MCHR2: variants seen among roughly 807,000 people sequenced by gnomAD.
MCHR2 encodes melanin concentrating hormone receptor 2.
A neutral mutation model predicts 24.8 loss-of-function variants in MCHR2; 15 were observed. That is an observed-to-expected ratio of 0.60 (90% confidence interval 0.40 to 0.93). The LOEUF (loss-of-function observed/expected upper bound fraction) is 0.93. MCHR2 is among the 40% of genes least tolerant of loss of function. MCHR2 has a pLI of 0.00. For missense variants in MCHR2, 386 were observed against 408.7 expected, an observed-to-expected ratio of 0.94 and a Z score of 0.48; for synonymous variants, 151 against 147.6, an observed-to-expected ratio of 1.02 and a Z score of -0.17.
chr6:99,976,648 TC>T (rs1241499143), intron 1 of MCHR2, among the ~76,000 whole-genome samples: 1 of 60,858 alleles, frequency 1.6e-5, no homozygotes, highest in Non-Finnish European at 4.0e-5. Flanking sequence ...TTTACAGTGC[TC>T]CCCAGCTACC....
rs145415769 is a variant in MCHR2, at chr6:99,958,740, C to T, written c.-27-2566G>A. Among the ~76,000 whole-genome samples, 417 of 152,284 alleles carry T rather than the reference C, an allele frequency of 2.7e-3. 2 individuals are homozygous for T. Among genetic ancestry groups the T allele is most frequent in the African/African-American group, 9.6e-3 (400 of 41,566 alleles). ...TCAAAGCCAATAGAAGAACCTGTGG[C>T]ACCCTCTTGCCATAGTCTCTCTGGC... On this transcript the variant is annotated intron_variant, in intron 1 of 5. Transcript: ENST00000281806.
At chr6:99,988,370 C>T (rs1775805751) in intron 1 of MCHR2, among the ~76,000 whole-genome samples, 1 of 152,184 alleles carries the variant, frequency 6.6e-6, no homozygotes, top group Admixed American at 6.5e-5. Context: ...TAGTCCTCAT[C>T]CTCATGTAAG....
intron 2 of MCHR2, among the ~76,000 whole-genome samples, chr6:99,951,157 A>C (rs923277452): frequency 6.6e-6 from 1 of 152,092 alleles, no homozygotes; most frequent in African/African-American, 2.4e-5. Flanking sequence ...GGGGTGAGGG[A>C]TGGGATAGGG....
chr6:99,934,861 A>G (rs1385773000), intron 4 of MCHR2, among the ~76,000 whole-genome samples: 4 of 152,050 alleles, frequency 2.6e-5, no homozygotes, highest in Admixed American at 2.0e-4. Context: ...AGCATTTTGT[A>G]TATCTTTACT....
chr6:99,982,097 G>A (rs1196219272), intron 1 of MCHR2, among the ~76,000 whole-genome samples: 1 of 152,052 alleles, frequency 6.6e-6, no homozygotes, highest in Non-Finnish European at 1.5e-5. Context: ...ACCTGTCTCT[G>A]TTCTATTCAG....
intron 1 of MCHR2, among the ~76,000 whole-genome samples, chr6:99,961,081 TCTGCCA>T (rs1232457881): frequency 6.6e-6 from 1 of 151,894 alleles, no homozygotes; most frequent in Non-Finnish European, 1.5e-5. Context: ...AATCTACCCA[TCTGCCA>T]AAAGGCTAAT....
Position 99,934,457 on chromosome 6 carries a change from G to A in MCHR2, c.648C>T (p.Cys216=). Residue 216 remains cysteine (C), a synonymous_variant, in exon 5 of 6, where the codon TGC becomes TGT. Coordinates refer to ENST00000281806, the MANE Select transcript of MCHR2 (RefSeq NM_001040179.2). ...FFFPLPLILV[C]YILILCYTWE... ...AAGTATAGCATAAAATTAAAATATA[G>A]CACACCAAAATCAAGGGTAGAGGGA... 6.2e-7 allele frequency: 1 copy of A among 1,604,134 alleles called. No individual in the cohort carries two copies. Among genetic ancestry groups the A allele is most frequent in the South Asian group, 1.1e-5 (1 of 89,428 alleles).
chr6:99,940,863 C>T (rs936680269), intron 4 of MCHR2, among the ~76,000 whole-genome samples: 3 of 151,924 alleles, frequency 2.0e-5, no homozygotes, highest in Non-Finnish European at 4.4e-5. Context: ...GTGTGGGAAG[C>T]CTGGCTAGGG....
chr6:99,970,218 C>T (rs1322540266), intron 1 of MCHR2, among the ~76,000 whole-genome samples: 4 of 151,680 alleles, frequency 2.6e-5, no homozygotes, highest in African/African-American at 7.3e-5. Context: ...CTCTCCAGCA[C>T]CTGTTGTTTC....
intron 1 of MCHR2, among the ~76,000 whole-genome samples, chr6:99,967,921 C>G (rs1250625360): frequency 6.6e-6 from 1 of 152,166 alleles, no homozygotes; most frequent in African/African-American, 2.4e-5. Context: ...TCACTTAACA[C>G]ACATTATAGT....
intron 4 of MCHR2, among the ~76,000 whole-genome samples, chr6:99,937,559 C>T (rs958886956): frequency 2.0e-5 from 3 of 151,764 alleles, no homozygotes. Context: ...ATGAGTTCTA[C>T]TTGCTCATGA....
intron 2 of MCHR2, among the ~76,000 whole-genome samples, chr6:99,948,577 C>T (rs1371918993): frequency 6.6e-6 from 1 of 152,138 alleles, no homozygotes; most frequent in Non-Finnish European, 1.5e-5. Flanking sequence ...GAGCCAGAAC[C>T]AACCAGCTAA....
chr6:99,934,465 A>T lies in MCHR2; in HGVS notation c.640T>A (p.Leu214Met). The change falls in exon 5 of 6, where the codon TTG becomes ATG. Residue 214 changes from leucine to methionine, a missense_variant. Transcript: ENST00000281806. ...CATAAAATTAAAATATAGCACACCA[A>T]AATCAAGGGTAGAGGGAAAAAAAAA... is the stretch of plus-strand genomic sequence containing the variant. ...TTFFFPLPLI[L>M]VCYILILCYT... is the part of the protein sequence containing the mutation. The T allele has an allele frequency of 6.2e-7, 1 of 1,606,558 alleles. No homozygotes were observed. The highest frequency in any genetic ancestry group is 1.1e-5 in the South Asian group (1 of 89,790).
At chr6:99,921,333 G>A (rs1774226316) in intron 5 of MCHR2, 78 bp from the exon 6 acceptor site, 1 of 1,337,286 alleles carries the variant, frequency 7.5e-7, no homozygotes, top group African/African-American at 1.4e-5. Flanking sequence ...AGAACCTTTT[G>A]GACAGTTCAT....
At chr6:99,945,165 C>A (rs1774852066) in intron 3 of MCHR2, among the ~76,000 whole-genome samples, 1 of 152,184 alleles carries the variant, frequency 6.6e-6, no homozygotes, top group South Asian at 2.1e-4. Context: ...TCTGTCTACA[C>A]CACTAGAATG....
At position 99,934,459 on chromosome 6, in the gene MCHR2, A is replaced by G; in HGVS notation, c.646T>C (p.Cys216Arg). ...FFFPLPLILV[C>R]YILILCYTWE... The stretch of plus-strand genomic sequence containing the variant: ...GTATAGCATAAAATTAAAATATAGC[A>G]CACCAAAATCAAGGGTAGAGGGAAA... Residue 216 changes from cysteine to arginine, a missense_variant, in exon 5 of 6, where the codon TGC becomes CGC. Cys to Arg is a radical substitution (Grantham distance 180). Coordinates refer to ENST00000281806, the MANE Select transcript of MCHR2 (RefSeq NM_001040179.2). 6.2e-7 allele frequency: 1 copy of G among 1,606,680 alleles called. No individual in the cohort carries two copies. The highest frequency in any genetic ancestry group is 1.7e-4 in the Middle Eastern group (1 of 6,022).
chr6:99,993,804 A>T (rs1377913998), intron 1 of MCHR2, 132 bp downstream of exon 1: 1 of 151,874 alleles, frequency 6.6e-6, no homozygotes, highest in Non-Finnish European at 1.5e-5. Flanking sequence ...ATCAGACACT[A>T]CCGGCGAGCC....
chr6:99,932,615 AT>A (rs529241166), intron 5 of MCHR2, among the ~76,000 whole-genome samples: 2,010 of 152,292 alleles, frequency 0.013, 50 homozygotes, highest in African/African-American at 0.047. Context: ...AGAAGAGTTG[AT>A]TTTTTTAAAT....
intron 1 of MCHR2, among the ~76,000 whole-genome samples, chr6:99,973,098 G>A (rs1447032066): frequency 6.6e-6 from 1 of 151,870 alleles, no homozygotes; most frequent in Admixed American, 6.6e-5. Flanking sequence ...GCAGAGCTGA[G>A]TTCAATTCCT....
Sources: allele counts gnomAD v4.1 joint callset (sites outside exome capture counted in the v4.1 genomes callset), GRCh38; gene constraint gnomAD v4.1.1; transcripts MANE v1.5; gene names NCBI Gene and HGNC (gene_info 2026-07-23, HGNC 2026-07-21).